PPP1R12B: variants seen among roughly 807,000 people sequenced by gnomAD.
PPP1R12B encodes myosin phosphatase target subunit 2.
Under a neutral mutation model 126.1 loss-of-function variants are expected in PPP1R12B, and 76 were observed. The observed-to-expected ratio is 0.60, with a 90% CI of 0.50 to 0.73. The LOEUF (loss-of-function observed/expected upper bound fraction) is 0.73. Among genes scored for constraint, PPP1R12B ranks in the 30% least tolerant of loss-of-function variants. The pLI, the probability that PPP1R12B is intolerant of heterozygous loss-of-function variation, is 0.00. For synonymous variants in PPP1R12B, 356 were observed against 434.7 expected, an observed-to-expected ratio of 0.82 and a Z score of 2.25; for missense variants, 1,052 against 1,205.1, an observed-to-expected ratio of 0.87 and a Z score of 1.88.
chr1:202,547,766 G>A (rs1265802867), intron 18 of PPP1R12B, among the ~76,000 whole-genome samples: 2 of 152,136 alleles, frequency 1.3e-5, no homozygotes, highest in Non-Finnish European at 2.9e-5. Context: ...AGATTAGAAA[G>A]GGAAGTAGGA....
chr1:202,452,570 G>A (rs1222221244), intron 13 of PPP1R12B, among the ~76,000 whole-genome samples: 1 of 151,974 alleles, frequency 6.6e-6, no homozygotes, highest in Non-Finnish European at 1.5e-5. Context: ...GTGGGGAGAC[G>A]GGAGAGGAGG....
intron 1 of PPP1R12B, among the ~76,000 whole-genome samples, chr1:202,364,744 G>T (rs1658871866): frequency 2.0e-5 from 3 of 151,970 alleles, no homozygotes; most frequent in Non-Finnish European, 2.9e-5. Context: ...GCTCGGCTAA[G>T]TTTTTGTATT....
intron 13 of PPP1R12B, among the ~76,000 whole-genome samples, chr1:202,486,343 C>T (rs1242037764): frequency 1.3e-5 from 2 of 152,098 alleles, no homozygotes; most frequent in Non-Finnish European, 2.9e-5. Context: ...TTGAGAACCA[C>T]TGCTCTAGAT....
At chr1:202,441,660 A>G (rs1469349713) in intron 11 of PPP1R12B, among the ~76,000 whole-genome samples, 2 of 152,308 alleles carry the variant, frequency 1.3e-5, no homozygotes, top group East Asian at 3.9e-4. Flanking sequence ...ATTGTGGATC[A>G]AAAATCCTAG....
intron 2 of PPP1R12B, among the ~76,000 whole-genome samples, chr1:202,420,900 A>G (rs1022367091): frequency 6.6e-6 from 1 of 151,494 alleles, no homozygotes; most frequent in African/African-American, 2.4e-5. Context: ...TATACCAGGT[A>G]CTAGGCACTG....
intron 1 of PPP1R12B, among the ~76,000 whole-genome samples, chr1:202,354,387 A>G (rs1656639267): frequency 1.3e-5 from 2 of 152,328 alleles, no homozygotes; most frequent in East Asian, 1.9e-4. Flanking sequence ...CGTGGGCAAC[A>G]TAGCAAAACC....
intron 2 of PPP1R12B, among the ~76,000 whole-genome samples, chr1:202,421,744 T>G (rs767896977): frequency 8.5e-5 from 13 of 152,200 alleles, no homozygotes; most frequent in Non-Finnish European, 1.8e-4. Context: ...ATCATTTTTC[T>G]TTTTCCTTTA....
intron 12 of PPP1R12B, among the ~76,000 whole-genome samples, chr1:202,442,807 C>T (rs1881243): frequency 0.043 from 6,486 of 152,150 alleles, 379 homozygotes; most frequent in African/African-American, 0.13. Context: ...ACTTTATCCT[C>T]TCCATCCTAT....
At chr1:202,359,401 G>C (rs1163821386) in intron 1 of PPP1R12B, among the ~76,000 whole-genome samples, 1 of 151,802 alleles carries the variant, frequency 6.6e-6, no homozygotes, top group Non-Finnish European at 1.5e-5. Context: ...CCAAAGTTTT[G>C]GGATTACAGT....
intron 18 of PPP1R12B, among the ~76,000 whole-genome samples, chr1:202,512,689 C>T (rs1461560441): frequency 6.6e-6 from 1 of 152,146 alleles, no homozygotes; most frequent in Non-Finnish European, 1.5e-5. Flanking sequence ...AAAGGCAGCT[C>T]ATATGGTAGT....
chr1:202,482,882 C>T (rs1471783679), intron 13 of PPP1R12B, among the ~76,000 whole-genome samples: 1 of 152,154 alleles, frequency 6.6e-6, no homozygotes, highest in Non-Finnish European at 1.5e-5. Flanking sequence ...TTTGGGTTTC[C>T]ATGTTAAGTC....
intron 1 of PPP1R12B, among the ~76,000 whole-genome samples, chr1:202,377,751 T>G (rs1661432398): frequency 6.6e-6 from 1 of 150,722 alleles, no homozygotes; most frequent in African/African-American, 2.5e-5. Flanking sequence ...AAGTAAGATG[T>G]GAATAGGCAT....
intron 18 of PPP1R12B, among the ~76,000 whole-genome samples, chr1:202,542,018 A>G (rs1374360307): frequency 6.6e-6 from 1 of 152,208 alleles, no homozygotes; most frequent in African/African-American, 2.4e-5. Flanking sequence ...TTGAGACTAT[A>G]ATAAAGAGAA....
chr1:202,513,219 C>T (rs191317916), intron 18 of PPP1R12B, among the ~76,000 whole-genome samples: 2 of 152,280 alleles, frequency 1.3e-5, no homozygotes, highest in East Asian at 3.9e-4. Context: ...GGTGATCCGC[C>T]CGCCTCAGCC....
chr1:202,462,573 A>T (rs1201856947), intron 13 of PPP1R12B, among the ~76,000 whole-genome samples: 2 of 152,196 alleles, frequency 1.3e-5, no homozygotes, highest in African/African-American at 4.8e-5. Context: ...AACACCTGCT[A>T]CTAAAAGCCC....
intron 18 of PPP1R12B, among the ~76,000 whole-genome samples, chr1:202,523,021 A>G (rs918597430): frequency 2.6e-5 from 4 of 152,242 alleles, no homozygotes; most frequent in East Asian, 3.8e-4. Context: ...AAGAACATAA[A>G]GAATTTGAAC....
intron 13 of PPP1R12B, among the ~76,000 whole-genome samples, chr1:202,482,058 A>C (rs1244947523): frequency 2.0e-5 from 3 of 152,152 alleles, no homozygotes; most frequent in East Asian, 3.8e-4. Context: ...GTGTTGTTGC[A>C]AATGACAAGA....
At chr1:202,452,369 G>C (rs1478193313) in intron 13 of PPP1R12B, among the ~76,000 whole-genome samples, 1 of 152,198 alleles carries the variant, frequency 6.6e-6, no homozygotes, top group South Asian at 2.1e-4. Context: ...CCAACACAGC[G>C]AAACCCCGTC....
At chr1:202,461,220 G>A (rs1674273095) in intron 13 of PPP1R12B, among the ~76,000 whole-genome samples, 1 of 151,456 alleles carries the variant, frequency 6.6e-6, no homozygotes, top group Non-Finnish European at 1.5e-5. Flanking sequence ...GAATAGTCCA[G>A]TTCGGCCTTT....
Sources: gnomAD v4.1 joint callset for allele counts (sites outside exome capture counted in the v4.1 genomes callset) on GRCh38, gnomAD v4.1.1 for gene constraint, MANE v1.5 for transcripts, NCBI Gene and HGNC (gene_info 2026-07-23, HGNC 2026-07-21) for gene names.